TMEM268: variants seen among roughly 807,000 people sequenced by gnomAD.
TMEM268 encodes transmembrane protein 268.
TMEM268 carries 24 observed loss-of-function variants against 39.1 expected under a neutral mutation model. That is an observed-to-expected ratio of 0.61 (90% confidence interval 0.44 to 0.86). The LOEUF (loss-of-function observed/expected upper bound fraction) is 0.86, where lower values mean the gene tolerates loss of function less well. Among genes scored for constraint, TMEM268 ranks in the 40% least tolerant of loss-of-function variants. The pLI is 0.00. For synonymous variants in TMEM268, 176 were observed against 173.5 expected, an observed-to-expected ratio of 1.01 and a Z score of -0.12; for missense variants, 409 against 428.6, an observed-to-expected ratio of 0.95 and a Z score of 0.40.
At chr9:114,614,645 T>C (rs1429803300) in intron 1 of TMEM268, among the ~76,000 whole-genome samples, 1 of 152,228 alleles carries the variant, frequency 6.6e-6, no homozygotes, top group East Asian at 1.9e-4. Context: ...GGCCACTTCA[T>C]ATCTTCACAA....
chr9:114,644,754 C>T lies in TMEM268; in HGVS notation c.*1441C>T, dbSNP rs1190067407. The stretch of plus-strand genomic sequence containing the variant: ...ATTTTTGGCAAGTTGCTTTCTTTGC[C>T]TGGTCCTCAGTTTGCCCATCAATAT... On this transcript the variant is annotated 3_prime_UTR_variant, in exon 9 of 9. Transcript: ENST00000288502. The T allele has an allele frequency of 2.0e-5, 3 of 151,926 alleles. No homozygotes were observed. Among genetic ancestry groups the T allele is most frequent in the Non-Finnish European group, 1.5e-5 (1 of 68,024 alleles). The allele number at this position is 151,926 out of a possible 1,614,324, so 9.4% of individuals were successfully genotyped here.
intron 1 of TMEM268, 125 bp downstream of exon 1, chr9:114,611,689 G>T: frequency 6.5e-6 from 1 of 153,220 alleles, no homozygotes; most frequent in South Asian, 1.8e-4. Flanking sequence ...CAGACGGCCT[G>T]GGTTCGGCGC....
At chr9:114,616,745 TG>T (rs1845730865) in intron 1 of TMEM268, among the ~76,000 whole-genome samples, 1 of 152,072 alleles carries the variant, frequency 6.6e-6, no homozygotes, top group African/African-American at 2.4e-5. Flanking sequence ...CAAGACTCCC[TG>T]TAATGAATAT....
At chr9:114,614,729 G>T (rs1042862728) in intron 1 of TMEM268, among the ~76,000 whole-genome samples, 1 of 152,150 alleles carries the variant, frequency 6.6e-6, no homozygotes, top group Admixed American at 6.5e-5. Context: ...CAGGGCTGGT[G>T]TGTCATCCCA....
intron 2 of TMEM268, among the ~76,000 whole-genome samples, chr9:114,619,281 G>A (rs1845851068): frequency 8.4e-6 from 1 of 119,638 alleles, no homozygotes; most frequent in African/African-American, 3.4e-5. Flanking sequence ...CTCTGCGCGT[G>A]CGTGCACGCG....
chr9:114,619,314 C>T (rs200980296), intron 2 of TMEM268, among the ~76,000 whole-genome samples: 5 of 120,660 alleles, frequency 4.1e-5, no homozygotes, highest in Admixed American at 2.6e-4. Context: ...CACACACACA[C>T]ACACACAGAC....
chr9:114,638,443 G>A (rs1846738077), intron 7 of TMEM268, 101 bp from the exon 8 acceptor site: 1 of 824,676 alleles, frequency 1.2e-6, no homozygotes, highest in South Asian at 2.3e-5. Context: ...CTGAGTCTGA[G>A]ACCTCATCTT....
At chr9:114,605,532 T>C in the TMEM268 span, among the ~76,000 whole-genome samples, 1 of 152,180 alleles carries the variant, frequency 6.6e-6, no homozygotes, top group Non-Finnish European at 1.5e-5. Context: ...GCTGTGAATT[T>C]AAAGCCATAG....
intron 1 of TMEM268, among the ~76,000 whole-genome samples, chr9:114,612,334 G>A (rs1176257702): frequency 6.6e-6 from 1 of 152,182 alleles, no homozygotes; most frequent in Admixed American, 6.5e-5. Flanking sequence ...GGAAGTTCTG[G>A]TTAAAATGCA....
chr9:114,640,908 C>T (rs116382069), intron 8 of TMEM268, among the ~76,000 whole-genome samples: 6,901 of 151,200 alleles, frequency 0.046, 195 homozygotes, highest in South Asian at 0.11. Context: ...GGGAGTTTTG[C>T]TCTTTTGCCC....
chr9:114,625,270 C>A (rs1846109549), intron 3 of TMEM268, among the ~76,000 whole-genome samples: 1 of 152,044 alleles, frequency 6.6e-6, no homozygotes, highest in Non-Finnish European at 1.5e-5. Context: ...TACATTGTAG[C>A]TATTATTGTT....
chr9:114,606,196 C>T, the TMEM268 span, among the ~76,000 whole-genome samples: 1 of 152,160 alleles, frequency 6.6e-6, no homozygotes, highest in Non-Finnish European at 1.5e-5. Flanking sequence ...ACTCTTCTGA[C>T]CCTGGCACTT....
intron 7 of TMEM268, among the ~76,000 whole-genome samples, chr9:114,638,302 A>T (rs1012689514): frequency 6.6e-6 from 1 of 152,188 alleles, no homozygotes; most frequent in Non-Finnish European, 1.5e-5. Flanking sequence ...TTGGCCTCCC[A>T]AAGTGCTGGG....
chr9:114,628,330 T>C, intron 5 of TMEM268, 80 bp downstream of exon 5: 1 of 1,523,190 alleles, frequency 6.6e-7, no homozygotes, highest in South Asian at 1.2e-5. Flanking sequence ...CCCTTTTGCC[T>C]CCCTCAAAGA....
intron 1 of TMEM268, among the ~76,000 whole-genome samples, chr9:114,616,094 C>T (rs1845698331): frequency 6.7e-6 from 1 of 148,926 alleles, no homozygotes; most frequent in South Asian, 2.1e-4. Flanking sequence ...CTGCTCACTG[C>T]AAGCTCCACC....
intron 8 of TMEM268, among the ~76,000 whole-genome samples, chr9:114,639,985 A>G (rs1846823268): frequency 6.6e-6 from 1 of 150,996 alleles, no homozygotes; most frequent in Non-Finnish European, 1.5e-5. Flanking sequence ...CCTGAGCTCA[A>G]GCGATCCACC....
chr9:114,625,021 C>A (rs1846099367), intron 3 of TMEM268, among the ~76,000 whole-genome samples: 1 of 152,184 alleles, frequency 6.6e-6, no homozygotes, highest in Non-Finnish European at 1.5e-5. Context: ...GATGCAGTAC[C>A]TTCAAGCATA....
At chr9:114,623,047 G>A (rs1295409068) in intron 2 of TMEM268, among the ~76,000 whole-genome samples, 1 of 152,146 alleles carries the variant, frequency 6.6e-6, no homozygotes, top group African/African-American at 2.4e-5. Flanking sequence ...CTGAGATCGT[G>A]CCACTGCACT....
Position 114,645,542 on chromosome 9 carries a change from C to T in TMEM268, c.*2229C>T, listed in dbSNP as rs978324598. The T allele has an allele frequency of 3.3e-4, 51 of 152,344 alleles. No individual in the cohort carries two copies. Among genetic ancestry groups the T allele is most frequent in the African/African-American group, 1.2e-3 (49 of 41,448 alleles). The allele number at this position is 152,344 out of a possible 1,614,324, so 9.4% of individuals were successfully genotyped here. On this transcript the variant is annotated 3_prime_UTR_variant, in exon 9 of 9. Coordinates refer to ENST00000288502, the MANE Select transcript of TMEM268 (RefSeq NM_153045.4). ...CAGCTTTGCTCAAGGAAATTATTCA[C>T]GAAGGTGACCACTGTCTTTCTGACC...
Sources: allele counts gnomAD v4.1 joint callset (sites outside exome capture counted in the v4.1 genomes callset), GRCh38; gene constraint gnomAD v4.1.1; transcripts MANE v1.5; gene names NCBI Gene and HGNC (gene_info 2026-07-23, HGNC 2026-07-21).